The following LCLAT1 variants were observed in gnomAD, a reference collection of about 807,000 sequenced individuals.
LCLAT1 encodes the protein 1-AGP acyltransferase 8.
LCLAT1 carries 11 observed loss-of-function variants against 30.7 expected under a neutral mutation model. The ratio of observed to expected loss-of-function variants is 0.36; its 90% CI spans 0.23 to 0.59. The LOEUF (loss-of-function observed/expected upper bound fraction) is 0.59. LCLAT1 is among the 20% of genes least tolerant of loss of function. LCLAT1 has a pLI of 0.77. For synonymous variants in LCLAT1, 155 were observed against 151.3 expected (o/e 1.02, Z -0.18); for missense variants, 402 against 458.6 (o/e 0.88, Z 1.13).
chr2:30,450,802 A>G (rs1314590850), intron 1 of LCLAT1, among the ~76,000 whole-genome samples: 1 of 152,252 alleles, frequency 6.6e-6, no homozygotes, highest in Non-Finnish European at 1.5e-5. Flanking sequence ...GAATAGGCAG[A>G]GATTCTTAAA....
At chr2:30,464,735 C>T (rs1015647506) in intron 1 of LCLAT1, among the ~76,000 whole-genome samples, 1 of 152,118 alleles carries the variant, frequency 6.6e-6, no homozygotes, top group Non-Finnish European at 1.5e-5. Flanking sequence ...GAGTTAATTT[C>T]AGTGGTGTTT....
At chr2:30,460,431 T>C (rs1336088730) in intron 1 of LCLAT1, among the ~76,000 whole-genome samples, 1 of 152,264 alleles carries the variant, frequency 6.6e-6, no homozygotes, top group Admixed American at 6.5e-5. Context: ...CCTTTTTCTA[T>C]TGCTGCTGCT....
At chr2:30,543,723 C>T (rs1462720380) in intron 3 of LCLAT1, among the ~76,000 whole-genome samples, 1 of 152,046 alleles carries the variant, frequency 6.6e-6, no homozygotes, top group Non-Finnish European at 1.5e-5. Context: ...TTTTTTAATG[C>T]TTAAAGAGTC....
intron 5 of LCLAT1, among the ~76,000 whole-genome samples, chr2:30,572,855 C>G (rs1264241362): frequency 1.3e-5 from 2 of 151,870 alleles, no homozygotes; most frequent in Non-Finnish European, 2.9e-5. Flanking sequence ...AGTTCCTCCT[C>G]CATTTCTCTA....
intron 3 of LCLAT1, among the ~76,000 whole-genome samples, chr2:30,556,767 C>T (rs1425218247): frequency 8.1e-6 from 1 of 123,556 alleles, no homozygotes; most frequent in Non-Finnish European, 1.6e-5. Flanking sequence ...TTTTTTGAGA[C>T]GGAGTTTTGC....
At chr2:30,477,373 T>C (rs1196133135) in intron 1 of LCLAT1, among the ~76,000 whole-genome samples, 2 of 152,168 alleles carry the variant, frequency 1.3e-5, no homozygotes, top group Admixed American at 1.3e-4. Context: ...AAATATGGAA[T>C]ACATCTTCGG....
intron 3 of LCLAT1, among the ~76,000 whole-genome samples, chr2:30,543,070 CT>C (rs1361510084): frequency 6.6e-6 from 1 of 151,434 alleles, no homozygotes. Context: ...AGCTTTGAGC[CT>C]TTCACTGTTG....
intron 3 of LCLAT1, among the ~76,000 whole-genome samples, chr2:30,534,092 A>C (rs1686111691): frequency 6.6e-6 from 1 of 152,166 alleles, no homozygotes; most frequent in Non-Finnish European, 1.5e-5. Context: ...CACTTAAACT[A>C]TGTACCCTCT....
At chr2:30,470,187 C>T (rs376063636) in intron 1 of LCLAT1, among the ~76,000 whole-genome samples, 7 of 152,072 alleles carry the variant, frequency 4.6e-5, no homozygotes, top group Non-Finnish European at 8.8e-5. Context: ...CACCAGAACA[C>T]GAGGTCTGAA....
intron 1 of LCLAT1, among the ~76,000 whole-genome samples, chr2:30,509,152 C>G (rs1684817167): frequency 6.6e-6 from 1 of 152,114 alleles, no homozygotes; most frequent in Non-Finnish European, 1.5e-5. Flanking sequence ...TGTTTATCAG[C>G]TTAAGGAGTT....
chr2:30,515,996 C>T (rs187220774), intron 1 of LCLAT1, among the ~76,000 whole-genome samples: 2 of 152,244 alleles, frequency 1.3e-5, no homozygotes, highest in East Asian at 3.9e-4. Context: ...ACTAAGAATT[C>T]CTAACCCTAG....
intron 5 of LCLAT1, among the ~76,000 whole-genome samples, chr2:30,573,623 A>G (rs549142790): frequency 2.0e-5 from 3 of 152,212 alleles, no homozygotes; most frequent in Non-Finnish European, 4.4e-5. Flanking sequence ...TCCTCTTAAG[A>G]TGTCACCTTA....
intron 4 of LCLAT1, among the ~76,000 whole-genome samples, chr2:30,562,781 A>T (rs750002020): frequency 6.6e-6 from 1 of 152,134 alleles, no homozygotes; most frequent in African/African-American, 2.4e-5. Flanking sequence ...CCTGTTGTTT[A>T]TATTCTCTTA....
intron 1 of LCLAT1, among the ~76,000 whole-genome samples, chr2:30,523,376 T>C (rs1685566409): frequency 6.6e-6 from 1 of 152,010 alleles, no homozygotes; most frequent in Non-Finnish European, 1.5e-5. Flanking sequence ...CACAGACCAC[T>C]CTAGGCCCCA....
At chr2:30,478,686 G>GGT (rs753409220) in intron 1 of LCLAT1, among the ~76,000 whole-genome samples, 12,942 of 151,178 alleles carry the variant, frequency 0.086, 996 homozygotes, top group African/African-American at 0.21. Context: ...TAAATAGATA[G>GGT]ATAGGTAGGT....
chr2:30,580,184 C>G (rs938999522), intron 5 of LCLAT1, among the ~76,000 whole-genome samples: 3 of 152,092 alleles, frequency 2.0e-5, no homozygotes, highest in African/African-American at 7.2e-5. Flanking sequence ...GGTTTTGGGA[C>G]TTAAACAAAT....
chr2:30,573,986 C>CA (rs1665890127), intron 5 of LCLAT1, among the ~76,000 whole-genome samples: 2 of 151,900 alleles, frequency 1.3e-5, no homozygotes, highest in Admixed American at 1.3e-4. Context: ...ACTAAAAATA[C>CA]AAAAATTAGC....
chr2:30,479,382 G>A (rs377764330), intron 1 of LCLAT1, among the ~76,000 whole-genome samples: 56 of 151,882 alleles, frequency 3.7e-4, no homozygotes, highest in African/African-American at 1.1e-3. Context: ...GGCTCATGTC[G>A]CCATCCCCAT....
intron 1 of LCLAT1, among the ~76,000 whole-genome samples, chr2:30,523,552 G>T (rs13430761): frequency 0.24 from 36,501 of 152,140 alleles, 4,928 homozygotes; most frequent in Non-Finnish European, 0.31. Context: ...TTTTGTACAC[G>T]TACTGTCAAG....
Sources: gnomAD v4.1 joint callset for allele counts (sites outside exome capture counted in the v4.1 genomes callset) on GRCh38, gnomAD v4.1.1 for gene constraint, MANE v1.5 for transcripts, NCBI Gene and HGNC (gene_info 2026-07-23, HGNC 2026-07-21) for gene names.